DNER: variants seen among roughly 807,000 people sequenced by gnomAD.
DNER encodes delta/notch like EGF repeat containing.
Under a neutral mutation model 78.2 loss-of-function variants are expected in DNER, and 33 were observed. The observed-to-expected ratio is 0.42, with a 90% CI of 0.32 to 0.56. The LOEUF (loss-of-function observed/expected upper bound fraction) is 0.56. DNER is among the 20% of genes least tolerant of loss of function. The pLI is 0.11. For synonymous variants in DNER, 417 were observed against 384.8 expected (o/e 1.08, Z -0.98); for missense variants, 918 against 975.3 (o/e 0.94, Z 0.78).
intron 4 of DNER, among the ~76,000 whole-genome samples, chr2:229,551,788 C>T (rs974515038): frequency 6.6e-6 from 1 of 151,798 alleles, no homozygotes; most frequent in African/African-American, 2.4e-5. Flanking sequence ...AAAAAATTAC[C>T]GGGCATGGTG....
chr2:229,713,494 G>C (rs1361225616), intron 1 of DNER, among the ~76,000 whole-genome samples: 1 of 152,216 alleles, frequency 6.6e-6, no homozygotes, highest in South Asian at 2.1e-4. Flanking sequence ...GGCCCTGCCA[G>C]CGCCACGTAC....
chr2:229,403,167 C>G (rs1327912055), intron 10 of DNER, among the ~76,000 whole-genome samples: 1 of 152,176 alleles, frequency 6.6e-6, no homozygotes, highest in African/African-American at 2.4e-5. Context: ...CACTCAGTAG[C>G]TGGCCAAGTG....
Position 229,388,376 on chromosome 2 carries a change from T to A in DNER, c.1744A>T (p.Ile582Leu), listed in dbSNP as rs1334634129. The change falls in exon 11 of 13, where the codon ATA becomes TTA. Residue 582 changes from isoleucine to leucine, a missense_variant. Physicochemically the swap from Ile to Leu is conservative, Grantham distance 5. Coordinates refer to ENST00000341772, the MANE Select transcript of DNER (RefSeq NM_139072.4). ...GFTGEECDIDINECDSNPCHH... is the reference protein window; with the variant it reads ...GFTGEECDIDLNECDSNPCHH... ...CAGGGGTTACTGTCACATTCATTTA[T>A]GTCAATGTCGCACTCTTCACCTAGG... is the stretch of plus-strand genomic sequence containing the variant. 1.2e-6 allele frequency: 2 copies of A among 1,611,426 alleles called. No homozygotes were observed. Among genetic ancestry groups the A allele is most frequent in the Admixed American group, 1.7e-5 (1 of 59,796 alleles).
At chr2:229,394,568 A>G (rs948227218) in intron 10 of DNER, among the ~76,000 whole-genome samples, 36 of 152,156 alleles carry the variant, frequency 2.4e-4, no homozygotes, top group African/African-American at 8.4e-4. Flanking sequence ...AGCCACTTCT[A>G]TGTGGAGTGG....
At chr2:229,421,781 C>T (rs1693771720) in intron 8 of DNER, among the ~76,000 whole-genome samples, 2 of 151,878 alleles carry the variant, frequency 1.3e-5, no homozygotes, top group Non-Finnish European at 1.5e-5. Flanking sequence ...GTACAATCAC[C>T]AGCAGCACCT....
At chr2:229,360,091 A>G (rs372955693) in intron 12 of DNER, among the ~76,000 whole-genome samples, 2 of 152,222 alleles carry the variant, frequency 1.3e-5, no homozygotes, top group South Asian at 2.1e-4. Flanking sequence ...TAATCTAAGG[A>G]TAGGAAAAGT....
chr2:229,480,064 C>G (rs1328426725), intron 6 of DNER, among the ~76,000 whole-genome samples: 6 of 152,142 alleles, frequency 3.9e-5, no homozygotes, highest in Admixed American at 1.3e-4. Flanking sequence ...CCCCACCAGA[C>G]AGAAAAAATA....
At chr2:229,468,471 A>C (rs1694851971) in intron 7 of DNER, among the ~76,000 whole-genome samples, 1 of 152,154 alleles carries the variant, frequency 6.6e-6, no homozygotes, top group African/African-American at 2.4e-5. Flanking sequence ...CCATCCAGAC[A>C]GGTAATCTGG....
chr2:229,568,490 A>G (rs1697154829), intron 4 of DNER, among the ~76,000 whole-genome samples: 1 of 152,240 alleles, frequency 6.6e-6, no homozygotes, highest in South Asian at 2.1e-4. Context: ...TCACACTTTA[A>G]TATTCTAAAG....
At chr2:229,494,958 C>T (rs961751390) in intron 6 of DNER, among the ~76,000 whole-genome samples, 12 of 152,184 alleles carry the variant, frequency 7.9e-5, no homozygotes, top group Admixed American at 2.0e-4. Context: ...TGATTAAACC[C>T]ATGAATCATA....
chr2:229,612,331 C>T (rs1475485378), intron 1 of DNER, among the ~76,000 whole-genome samples: 1 of 152,114 alleles, frequency 6.6e-6, no homozygotes, highest in Non-Finnish European at 1.5e-5. Context: ...GGGGATCAGA[C>T]ATTATGGGCA....
At chr2:229,545,073 T>G (rs563305705) in intron 5 of DNER, among the ~76,000 whole-genome samples, 1 of 152,152 alleles carries the variant, frequency 6.6e-6, no homozygotes, top group South Asian at 2.1e-4. Context: ...TCTTTTGGGG[T>G]TTGGGAATCC....
At chr2:229,414,164 T>C (rs1693593104) in intron 9 of DNER, among the ~76,000 whole-genome samples, 1 of 152,290 alleles carries the variant, frequency 6.6e-6, no homozygotes, top group South Asian at 2.1e-4. Flanking sequence ...CCACCACTCT[T>C]AGTTTAGAAG....
At chr2:229,474,447 G>A (rs6711463) in intron 7 of DNER, among the ~76,000 whole-genome samples, 104,640 of 152,080 alleles carry the variant, frequency 0.69, 37,452 homozygotes, top group African/African-American at 0.9. Context: ...AGTCTTTGTA[G>A]TGGAAAATTC....
chr2:229,423,901 G>A (rs1463882357), intron 8 of DNER, among the ~76,000 whole-genome samples: 2 of 152,158 alleles, frequency 1.3e-5, no homozygotes, highest in South Asian at 2.1e-4. Flanking sequence ...ATTTGTAACT[G>A]TCTGAAATCC....
At chr2:229,672,986 A>C (rs1699235336) in intron 1 of DNER, among the ~76,000 whole-genome samples, 1 of 152,202 alleles carries the variant, frequency 6.6e-6, no homozygotes. Context: ...CGCCCTGTGC[A>C]CTGCTCTCAG....
intron 4 of DNER, among the ~76,000 whole-genome samples, chr2:229,574,231 T>C (rs1697257926): frequency 6.6e-6 from 1 of 152,152 alleles, no homozygotes; most frequent in Non-Finnish European, 1.5e-5. Flanking sequence ...GTAAATTCCA[T>C]ATCTGGGAAT....
intron 5 of DNER, among the ~76,000 whole-genome samples, chr2:229,517,949 C>T (rs149035375): frequency 2.0e-5 from 3 of 152,264 alleles, no homozygotes; most frequent in Non-Finnish European, 2.9e-5. Flanking sequence ...ATAGTTCTTG[C>T]GCCAGAAAAG....
intron 5 of DNER, among the ~76,000 whole-genome samples, chr2:229,521,042 C>G (rs1048393122): frequency 6.6e-6 from 1 of 152,214 alleles, no homozygotes; most frequent in Non-Finnish European, 1.5e-5. Flanking sequence ...CCAGCCTTGG[C>G]GGAAGCAGAG....
Sources: allele counts gnomAD v4.1 joint callset (sites outside exome capture counted in the v4.1 genomes callset), GRCh38; gene constraint gnomAD v4.1.1; transcripts MANE v1.5; gene names NCBI Gene and HGNC (gene_info 2026-07-23, HGNC 2026-07-21).